The following MAF variants were observed in gnomAD, a reference collection of about 807,000 sequenced individuals.
MAF encodes MAF bZIP transcription factor.
MAF carries 10 observed loss-of-function variants against 22.0 expected under a neutral mutation model. That is an observed-to-expected ratio of 0.45 (90% CI 0.28 to 0.77). The LOEUF (loss-of-function observed/expected upper bound fraction) is 0.77. Ranked by LOEUF, MAF falls within the 30% of genes least tolerant of loss-of-function variation. MAF has a pLI of 0.12. For synonymous variants in MAF, 337 were observed against 255.8 expected (o/e 1.32, Z -3.03); for missense variants, 544 against 548.4 (o/e 0.99, Z 0.08).
the MAF span, among the ~76,000 whole-genome samples, chr16:79,334,393 A>G: frequency 6.6e-6 from 1 of 152,152 alleles, no homozygotes; most frequent in South Asian, 2.1e-4. Flanking sequence ...AAGGCCAGGG[A>G]GGGTGACAGA....
At chr16:79,563,960 A>T in the MAF span, among the ~76,000 whole-genome samples, 1 of 152,216 alleles carries the variant, frequency 6.6e-6, no homozygotes, top group African/African-American at 2.4e-5. Flanking sequence ...CCAGCCTCAA[A>T]CTATTAGCTT....
At chr16:79,405,407 C>A in the MAF span, among the ~76,000 whole-genome samples, 1 of 152,200 alleles carries the variant, frequency 6.6e-6, no homozygotes, top group African/African-American at 2.4e-5. Flanking sequence ...TGGAGAACAA[C>A]AGGCTGCATT....
chr16:79,426,056 A>C, the MAF span, among the ~76,000 whole-genome samples: 1 of 152,164 alleles, frequency 6.6e-6, no homozygotes, highest in Non-Finnish European at 1.5e-5. Flanking sequence ...AATACAAAAA[A>C]TTAGCTGGGC....
the MAF span, among the ~76,000 whole-genome samples, chr16:79,544,797 T>C: frequency 4.0e-5 from 6 of 149,398 alleles, no homozygotes; most frequent in Non-Finnish European, 7.4e-5. Flanking sequence ...AAAATGTCAG[T>C]AGCAACAGAC....
the MAF span, among the ~76,000 whole-genome samples, chr16:79,261,006 T>C: frequency 2.0e-5 from 3 of 152,122 alleles, no homozygotes; most frequent in South Asian, 4.2e-4. Flanking sequence ...GCTGTTCCAT[T>C]GGTCCAAGGC....
At chr16:79,397,781 G>A in the MAF span, among the ~76,000 whole-genome samples, 2 of 152,100 alleles carry the variant, frequency 1.3e-5, no homozygotes, top group African/African-American at 4.8e-5. Context: ...CCCCTCCCCG[G>A]TGAAGAAAGG....
the MAF span, among the ~76,000 whole-genome samples, chr16:79,228,486 G>C: frequency 6.6e-6 from 1 of 151,992 alleles, no homozygotes; most frequent in Admixed American, 6.6e-5. Flanking sequence ...CAAAGCTTTG[G>C]ATAGGAAAGC....
chr16:79,536,944 A>C, the MAF span, among the ~76,000 whole-genome samples: 1 of 152,178 alleles, frequency 6.6e-6, no homozygotes, highest in Non-Finnish European at 1.5e-5. Flanking sequence ...ACAGATACTG[A>C]GGGATGACTA....
the MAF span, among the ~76,000 whole-genome samples, chr16:79,440,768 C>T: frequency 6.6e-6 from 1 of 152,224 alleles, no homozygotes; most frequent in Non-Finnish European, 1.5e-5. Flanking sequence ...GAATGGCTTG[C>T]TGTTATTTTT....
At chr16:79,577,540 A>G in the MAF span, among the ~76,000 whole-genome samples, 1 of 152,136 alleles carries the variant, frequency 6.6e-6, no homozygotes, top group African/African-American at 2.4e-5. Context: ...GGTGCATGGT[A>G]GCTGTTGTCA....
At chr16:79,262,765 T>A in the MAF span, among the ~76,000 whole-genome samples, 2 of 152,238 alleles carry the variant, frequency 1.3e-5, no homozygotes, top group African/African-American at 4.8e-5. Context: ...TTGTTGGTAA[T>A]GGGACTCAAC....
At chr16:79,529,419 A>G in the MAF span, among the ~76,000 whole-genome samples, 1 of 152,152 alleles carries the variant, frequency 6.6e-6, no homozygotes. Flanking sequence ...CGCCATAGAG[A>G]AAGTTGGGTG....
chr16:79,464,851 C>A, the MAF span, among the ~76,000 whole-genome samples: 1 of 152,168 alleles, frequency 6.6e-6, no homozygotes, highest in Non-Finnish European at 1.5e-5. Context: ...AGTCATGGGA[C>A]CTGTTTCCCA....
At chr16:79,470,030 G>A in the MAF span, among the ~76,000 whole-genome samples, 2 of 152,180 alleles carry the variant, frequency 1.3e-5, no homozygotes, top group African/African-American at 2.4e-5. Flanking sequence ...GCTCAGAAAC[G>A]TGCGGTCTGC....
At chr16:79,415,289 G>A in the MAF span, among the ~76,000 whole-genome samples, 1 of 151,492 alleles carries the variant, frequency 6.6e-6, no homozygotes, top group Admixed American at 6.6e-5. Context: ...AAGGGAGGGA[G>A]GGAGGGAAGG....
At chr16:79,375,447 A>T in the MAF span, among the ~76,000 whole-genome samples, 1 of 152,136 alleles carries the variant, frequency 6.6e-6, no homozygotes, top group Non-Finnish European at 1.5e-5. Context: ...CTTGTTCTTG[A>T]TGTTCTTTCC....
chr16:79,587,657 C>T (rs1035960635), intron 1 of MAF, among the ~76,000 whole-genome samples: 11 of 152,020 alleles, frequency 7.2e-5, no homozygotes, highest in African/African-American at 2.7e-4. Context: ...TTGCAAAATG[C>T]CCCCTTTGCC....
the MAF span, among the ~76,000 whole-genome samples, chr16:79,320,421 G>T: frequency 1.4e-4 from 21 of 152,298 alleles, no homozygotes; most frequent in East Asian, 4.1e-3. Flanking sequence ...TGCTTCATGA[G>T]GCAGAGTGGG....
At chr16:79,302,742 G>A in the MAF span, among the ~76,000 whole-genome samples, 1 of 152,350 alleles carries the variant, frequency 6.6e-6, no homozygotes, top group African/African-American at 2.4e-5. Context: ...GAAGTTAAAT[G>A]TTGGCATTTG....
Sources: allele counts gnomAD v4.1 joint callset (sites outside exome capture counted in the v4.1 genomes callset), GRCh38; gene constraint gnomAD v4.1.1; transcripts MANE v1.5; gene names NCBI Gene and HGNC (gene_info 2026-07-23, HGNC 2026-07-21).